The following USP10 variants were observed in gnomAD, a reference collection of about 807,000 sequenced individuals.
USP10 encodes ubiquitin specific peptidase 10, also known as ubiquitin carboxyl-terminal hydrolase 10.
Under a neutral mutation model 84.5 loss-of-function variants are expected in USP10, and 22 were observed. The ratio of observed to expected loss-of-function variants is 0.26; its 90% CI spans 0.19 to 0.37. The LOEUF is 0.37. USP10 is among the 10% of genes least tolerant of loss of function. The probability of loss-of-function intolerance (pLI) is 1.00; values close to 1 mark genes in which losing one functional copy is unlikely to be tolerated. For missense variants in USP10, 1,019 were observed against 998.9 expected (o/e 1.02, Z -0.27); for synonymous variants, 454 against 387.6 (o/e 1.17, Z -2.01).
chr16:84,701,080 AAGT>A (rs1423640754), intron 1 of USP10, among the ~76,000 whole-genome samples: 1 of 152,212 alleles, frequency 6.6e-6, no homozygotes, highest in Non-Finnish European at 1.5e-5. Context: ...AAATGAAACA[AAGT>A]AGCCATTCGG....
intron 10 of USP10, among the ~76,000 whole-genome samples, chr16:84,764,954 A>G (rs1299869394): frequency 6.8e-6 from 1 of 147,564 alleles, no homozygotes; most frequent in Non-Finnish European, 1.5e-5. Context: ...ATATATATAT[A>G]TTAGACTTCA....
At chr16:84,708,099 T>G (rs1432176603) in intron 1 of USP10, among the ~76,000 whole-genome samples, 1 of 151,708 alleles carries the variant, frequency 6.6e-6, no homozygotes, top group East Asian at 1.9e-4. Context: ...AGATAAGAAA[T>G]ATTTTGAAGA....
In USP10 at chr16:84,740,297, T is replaced by C; in HGVS notation, c.91-12T>C. On this transcript the variant is annotated splice_polypyrimidine_tract_variant and intron_variant, in intron 2 of 13. Coordinates refer to ENST00000219473, the MANE Select transcript of USP10 (RefSeq NM_005153.3). ...TGTTGAATTAAAATTTGTTTTCTGA[T>C]TCCTTGTGCAGCTTCCTCCATACAG... 1 of 1,603,994 alleles carries C rather than the reference T, an allele frequency of 6.2e-7. No homozygotes were observed. The highest frequency in any genetic ancestry group is 2.2e-5 in the East Asian group (1 of 44,724).
intron 1 of USP10, among the ~76,000 whole-genome samples, chr16:84,705,225 G>GT (rs1267796345): frequency 3.1e-4 from 46 of 150,192 alleles, no homozygotes; most frequent in African/African-American, 8.6e-4. Context: ...CCTGTGCCTT[G>GT]TTTTTTTTGT....
intron 12 of USP10, among the ~76,000 whole-genome samples, chr16:84,774,820 T>C (rs1408374264): frequency 6.6e-6 from 1 of 152,232 alleles, no homozygotes; most frequent in Non-Finnish European, 1.5e-5. Flanking sequence ...AATTCTTGCC[T>C]TGGATTTTTC....
intron 4 of USP10, among the ~76,000 whole-genome samples, chr16:84,757,146 G>C (rs1294458269): frequency 1.3e-5 from 2 of 152,134 alleles, no homozygotes; most frequent in East Asian, 3.8e-4. Context: ...TGCTATCTCT[G>C]CTGGGTGTCA....
chr16:84,700,407 C>T (rs2150745101), intron 1 of USP10, among the ~76,000 whole-genome samples: 1 of 152,090 alleles, frequency 6.6e-6, no homozygotes, highest in African/African-American at 2.4e-5. Context: ...TGGGGCTGGA[C>T]CGCGGGGCGA....
chr16:84,739,045 C>G (rs866320397), intron 2 of USP10, among the ~76,000 whole-genome samples: 3 of 151,466 alleles, frequency 2.0e-5, no homozygotes, highest in Admixed American at 1.3e-4. Flanking sequence ...CTTACCTTAC[C>G]CCTTTTCTTC....
At chr16:84,773,835 G>A (rs952458854) in intron 12 of USP10, among the ~76,000 whole-genome samples, 4 of 152,254 alleles carry the variant, frequency 2.6e-5, no homozygotes, top group South Asian at 2.1e-4. Context: ...ATCTTCACTC[G>A]CCTCCAGATC....
At chr16:84,706,733 G>A (rs1331415896) in intron 1 of USP10, among the ~76,000 whole-genome samples, 2 of 151,788 alleles carry the variant, frequency 1.3e-5, no homozygotes, top group Non-Finnish European at 2.9e-5. Context: ...GTAGAGACGG[G>A]GTTTCACGGT....
chr16:84,730,582 C>A (rs535792184), intron 1 of USP10, among the ~76,000 whole-genome samples: 1 of 152,108 alleles, frequency 6.6e-6, no homozygotes, highest in Non-Finnish European at 1.5e-5. Context: ...GGGTGTTTGC[C>A]GCTGACTCAT....
At position 84,700,060 on chromosome 16, in the gene USP10, G is replaced by A. The variant is rs1904632143; in HGVS notation, c.-31G>A. 7.3e-7 allele frequency: 1 copy of A among 1,368,506 alleles called. No individual in the cohort carries two copies. Among genetic ancestry groups the A allele is most frequent in the South Asian group, 1.4e-5 (1 of 73,816 alleles). The allele number at this position is 1,368,506 out of a possible 1,614,324, so 84.8% of individuals were successfully genotyped here. On this transcript the variant is annotated 5_prime_UTR_variant, in exon 1 of 14. Transcript: ENST00000219473. ...GGGGGAAGCAGCGTGAGCAGCCGGA[G>A]GATCGCGGAGTCCCAATGAAACGGG...
chr16:84,741,450 G>C (rs569616587), intron 3 of USP10, among the ~76,000 whole-genome samples: 1 of 152,330 alleles, frequency 6.6e-6, no homozygotes, highest in Non-Finnish European at 1.5e-5. Context: ...CACGTGGTGA[G>C]CATGCTGCTC....
intron 4 of USP10, among the ~76,000 whole-genome samples, chr16:84,747,070 T>C (rs983375194): frequency 6.6e-6 from 1 of 152,212 alleles, no homozygotes; most frequent in Non-Finnish European, 1.5e-5. Context: ...TCCACTAGAA[T>C]CTTGTGGGAC....
intron 1 of USP10, among the ~76,000 whole-genome samples, chr16:84,703,685 G>A (rs548367085): frequency 2.1e-3 from 317 of 152,330 alleles, no homozygotes; most frequent in African/African-American, 7.2e-3. Context: ...ATTTAAACAT[G>A]TCCTAAGAGT....
intron 11 of USP10, among the ~76,000 whole-genome samples, chr16:84,769,806 T>C (rs1009873705): frequency 1.2e-4 from 18 of 152,096 alleles, no homozygotes; most frequent in African/African-American, 4.3e-4. Flanking sequence ...CTGCTGCAAT[T>C]ACAGTTTGAC....
At chr16:84,731,360 A>G (rs375817370) in intron 1 of USP10, among the ~76,000 whole-genome samples, 48 of 151,526 alleles carry the variant, frequency 3.2e-4, no homozygotes, top group African/African-American at 1.1e-3. Context: ...CCACGTTTCT[A>G]CTATTGATAT....
At chr16:84,725,459 G>A (rs74612215) in intron 1 of USP10, among the ~76,000 whole-genome samples, 12,942 of 152,012 alleles carry the variant, frequency 0.085, 777 homozygotes, top group African/African-American at 0.18. Context: ...GAGTGCAAAT[G>A]GCACGATTTC....
In USP10 at chr16:84,772,633, C is replaced by T; in HGVS notation, c.2091C>T (p.Cys697=). 1 of 1,613,888 alleles carries T rather than the reference C, an allele frequency of 6.2e-7. No individual in the cohort carries two copies. The highest frequency in any genetic ancestry group is 8.5e-7 in the Non-Finnish European group (1 of 1,179,868). Residue 697 remains cysteine, a synonymous_variant, in exon 12 of 14, where the codon TGC becomes TGT. Coordinates refer to ENST00000219473, the MANE Select transcript of USP10 (RefSeq NM_005153.3). ...KRFVYEKTGG[C]QKLIKNIEYP... is the part of the protein sequence containing the mutation. ...TCGTTTATGAGAAGACTGGTGGGTGCCAGAAGCTTATCAAAAATATTGAAT... is the reference window on the plus strand; with the variant it reads ...TCGTTTATGAGAAGACTGGTGGGTGTCAGAAGCTTATCAAAAATATTGAAT...
Sources: gnomAD v4.1 joint callset for allele counts (sites outside exome capture counted in the v4.1 genomes callset) on GRCh38, gnomAD v4.1.1 for gene constraint, MANE v1.5 for transcripts, NCBI Gene and HGNC (gene_info 2026-07-23, HGNC 2026-07-21) for gene names.